Variants in YTHDC1 observed in about 807,000 individuals in gnomAD.
The protein encoded by YTHDC1 is YTH domain-containing protein 1.
YTHDC1 carries 12 observed loss-of-function variants against 107.0 expected under a neutral mutation model. The observed-to-expected ratio is 0.11, with a 90% CI of 0.07 to 0.18. The LOEUF (loss-of-function observed/expected upper bound fraction) is 0.18. Ranked by LOEUF, YTHDC1 falls within the 10% of genes least tolerant of loss-of-function variation. The pLI is 1.00. For missense variants in YTHDC1, 635 were observed against 898.8 expected (o/e 0.71, Z 3.75); for synonymous variants, 280 against 289.5 (o/e 0.97, Z 0.33).
intron 1 of YTHDC1, 72 bp downstream of exon 1, chr4:68,349,652 CGA>C: frequency 2.4e-6 from 1 of 417,328 alleles, no homozygotes; most frequent in South Asian, 1.8e-5. Flanking sequence ...CCACCCCCAA[CGA>C]CGACCACTGC....
intron 16 of YTHDC1, among the ~76,000 whole-genome samples, chr4:68,314,885 C>G (rs1721645424): frequency 6.6e-6 from 1 of 152,162 alleles, no homozygotes; most frequent in Non-Finnish European, 1.5e-5. Context: ...TTTAAACTTT[C>G]TACTCTTAGT....
At chr4:68,319,963 T>C (rs1038576918) in intron 12 of YTHDC1, among the ~76,000 whole-genome samples, 160 bp downstream of exon 12, 2 of 152,084 alleles carry the variant, frequency 1.3e-5, no homozygotes, top group African/African-American at 4.8e-5. Context: ...AAGGGAAGAA[T>C]TACACTAATG....
intron 4 of YTHDC1, 122 bp downstream of exon 4, chr4:68,336,905 G>T: frequency 7.7e-7 from 1 of 1,306,818 alleles, no homozygotes; most frequent in South Asian, 1.6e-5. Flanking sequence ...GCATATAAAG[G>T]ATCACAAGAC....
chr4:68,320,043 AT>A, intron 12 of YTHDC1, 79 bp downstream of exon 12: 2 of 1,254,000 alleles, frequency 1.6e-6, no homozygotes, highest in Non-Finnish European at 2.2e-6. Flanking sequence ...AAACTGCAGG[AT>A]TGTGAGGGTT....
At chr4:68,330,418 T>C (rs1308546819) in intron 7 of YTHDC1, 108 bp from the exon 8 acceptor site, 4 of 635,814 alleles carry the variant, frequency 6.3e-6, no homozygotes, top group East Asian at 2.9e-5. Flanking sequence ...TCAATTTAAG[T>C]AAGCTATAAT....
At chr4:68,317,236 T>G (rs184789410) in intron 15 of YTHDC1, among the ~76,000 whole-genome samples, 2 of 152,000 alleles carry the variant, frequency 1.3e-5, no homozygotes, top group Non-Finnish European at 2.9e-5. Context: ...AAAAAAAAAG[T>G]CCAGGAGCAA....
chr4:68,329,205 C>T (rs2109708413), intron 9 of YTHDC1, among the ~76,000 whole-genome samples: 1 of 152,204 alleles, frequency 6.6e-6, no homozygotes, highest in East Asian at 1.9e-4. Context: ...AAGGTAGCTC[C>T]CTATCCCACT....
chr4:68,314,362 G>GCAAATA (rs762038314), intron 16 of YTHDC1, 39 bp from the exon 17 acceptor site: 3 of 1,599,822 alleles, frequency 1.9e-6, no homozygotes, highest in Non-Finnish European at 2.6e-6. Context: ...TGTCAAAAAG[G>GCAAATA]CAAATAGTGT....
intron 1 of YTHDC1, among the ~76,000 whole-genome samples, chr4:68,349,457 C>T (rs1450983454): frequency 6.6e-6 from 1 of 152,124 alleles, no homozygotes; most frequent in South Asian, 2.1e-4. Context: ...CCTCTCAGCC[C>T]AAGACAGCTA....
intron 5 of YTHDC1, 35 bp from the exon 6 acceptor site, chr4:68,332,882 G>A: frequency 6.3e-7 from 1 of 1,581,692 alleles, no homozygotes; most frequent in Non-Finnish European, 8.7e-7. Context: ...TTCAGATTGA[G>A]CTTTAATAGA....
rs1448487342 is a variant in YTHDC1 at position 68,311,423 on chromosome 4, C to T, written c.*2676G>A. On this transcript the variant is annotated 3_prime_UTR_variant, in exon 17 of 17. Transcript: ENST00000344157. ...AAATCCCTGACCGGATTTCTAAACTCGGAATGACTGAATTTTCTGTTTTTC... is the reference window on the plus strand; with the variant it reads ...AAATCCCTGACCGGATTTCTAAACTTGGAATGACTGAATTTTCTGTTTTTC... The T allele has an allele frequency of 6.6e-6, 1 of 152,150 alleles. No individual in the cohort carries two copies. The highest frequency in any genetic ancestry group is 1.5e-5 in the Non-Finnish European group (1 of 68,024). 9.4% of individuals were successfully genotyped at this position (152,150 alleles called of 1,614,324 possible). A position where few individuals can be genotyped will look rare whatever the true frequency, so the allele number is the denominator to read the frequency against.
chr4:68,335,343 G>A (rs1191125171), intron 4 of YTHDC1, among the ~76,000 whole-genome samples: 2 of 152,058 alleles, frequency 1.3e-5, no homozygotes, highest in East Asian at 1.9e-4. Flanking sequence ...TTCCACATAA[G>A]GGATTTTCCT....
rs901840526 is a variant in YTHDC1 at position 68,324,319 on chromosome 4, A to C, written c.1350-96T>G. 3.8e-6 allele frequency: 4 copies of C among 1,062,550 alleles called. No individual in the cohort carries two copies. In the African/African-American group the frequency reaches 6.4e-5, roughly 17 times the overall value. The allele number at this position is 1,062,550 out of a possible 1,614,324, so 65.8% of individuals were successfully genotyped here. A position where few individuals can be genotyped will look rare whatever the true frequency, so the allele number is the denominator to read the frequency against. On this transcript the variant is annotated intron_variant, in intron 9 of 16. Coordinates refer to ENST00000344157, the MANE Select transcript of YTHDC1 (RefSeq NM_001031732.4). ...TGAATTCCTGTATTAACTGTGACTT[A>C]AATGTGACTAAATTTTAAAAACCAC...
chr4:68,318,498 T>C (rs761510444), intron 15 of YTHDC1, 21 bp downstream of exon 15: 3 of 1,583,486 alleles, frequency 1.9e-6, no homozygotes, highest in Admixed American at 3.7e-5. Context: ...ATGTAACTTA[T>C]AAAAATAGAA....
chr4:68,315,801 T>C (rs1489835125), intron 16 of YTHDC1: 1 of 152,238 alleles, frequency 6.6e-6, no homozygotes, highest in Non-Finnish European at 1.5e-5. Context: ...CTGCTACATA[T>C]CATAACATCT....
chr4:68,337,601 CCCT>C lies in YTHDC1; in HGVS notation c.427_429del (p.Arg143del). 6.2e-7 allele frequency: 1 copy of C among 1,610,710 alleles called. No homozygotes were observed. Among genetic ancestry groups the C allele is most frequent in the Non-Finnish European group, 8.5e-7 (1 of 1,179,166 alleles). ...GAACCATCTGGCGTAGGAGATTTGG[CCCT>C]CCTTTCAGGATCCCTTTTCCGGACA... On this transcript the variant is annotated inframe_deletion, in exon 3 of 17. Transcript: ENST00000344157.
At chr4:68,335,848 C>T (rs954503054) in intron 4 of YTHDC1, among the ~76,000 whole-genome samples, 7 of 151,370 alleles carry the variant, frequency 4.6e-5, no homozygotes, top group Non-Finnish European at 8.8e-5. Flanking sequence ...TTTAACTCTA[C>T]CTCCCTTGAA....
chr4:68,314,635 A>C (rs1415116661), intron 16 of YTHDC1, among the ~76,000 whole-genome samples: 1 of 152,222 alleles, frequency 6.6e-6, no homozygotes, highest in Non-Finnish European at 1.5e-5. Context: ...AGTAAGATTT[A>C]GGCCAAAGAT....
At chr4:68,331,029 T>G (rs1376754711) in intron 7 of YTHDC1, among the ~76,000 whole-genome samples, 3 of 152,086 alleles carry the variant, frequency 2.0e-5, no homozygotes, top group African/African-American at 4.8e-5. Flanking sequence ...CCAGGACCCA[T>G]GCAGATACCA....
Sources: gnomAD v4.1 joint callset for allele counts (sites outside exome capture counted in the v4.1 genomes callset) on GRCh38, gnomAD v4.1.1 for gene constraint, MANE v1.5 for transcripts, NCBI Gene and HGNC (gene_info 2026-07-23, HGNC 2026-07-21) for gene names.